The following SMYD5 variants were observed in gnomAD, a reference collection of about 807,000 sequenced individuals.
SMYD5 encodes the protein protein-lysine N-trimethyltransferase SMYD5.
In SMYD5, 35 loss-of-function variants were observed where a neutral mutation model predicts 57.4. That is an observed-to-expected ratio of 0.61 (90% CI 0.47 to 0.81). The LOEUF is 0.81. SMYD5 is among the 30% of genes least tolerant of loss of function. The pLI is 0.00. For synonymous variants in SMYD5, 198 were observed against 189.7 expected (o/e 1.04, Z -0.36); for missense variants, 471 against 527.9 (o/e 0.89, Z 1.06).
chr2:73,215,812 C>T (rs554296741), intron 1 of SMYD5, among the ~76,000 whole-genome samples: 2 of 152,284 alleles, frequency 1.3e-5, no homozygotes, highest in African/African-American at 4.8e-5. Flanking sequence ...CCTGCCTGGA[C>T]TTGGTAACAG....
chr2:73,222,293 G>C (rs544116017), intron 6 of SMYD5, among the ~76,000 whole-genome samples: 97 of 152,342 alleles, frequency 6.4e-4, no homozygotes, highest in African/African-American at 2.2e-3. Flanking sequence ...CTGAGAACCC[G>C]TTCCCAATCA....
Position 73,225,644 on chromosome 2 carries a change from GC to G in SMYD5, c.1050del (p.Tyr351ThrfsTer40). On this transcript the variant is annotated frameshift_variant, in exon 12 of 13. Coordinates refer to ENST00000389501, the MANE Select transcript of SMYD5 (RefSeq NM_006062.3). LOFTEE classifies it high-confidence loss of function. ...DIKPGEEICISYLDCCQRERS... is the reference protein window; with the variant it reads ...DIKPGEEICIXYLDCCQRERS... ...TCTGCCCTACAGGAAATTTGTATCA[GC>G]TACTTGGACTGCTGTCAGCGGGAGC... 2 of 1,614,166 alleles carry G rather than the reference GC, an allele frequency of 1.2e-6. No individual in the cohort carries two copies. The highest frequency in any genetic ancestry group is 1.7e-6 in the Non-Finnish European group (2 of 1,180,008).
At position 73,220,752 on chromosome 2, in the gene SMYD5, A is replaced by G. The variant is rs768138578; in HGVS notation, c.437A>G (p.His146Arg). The G allele has an allele frequency of 1.9e-6, 3 of 1,613,936 alleles. No homozygotes were observed. Residue 146 changes from histidine to arginine, a missense_variant, in exon 4 of 13, where the codon CAT (histidine) becomes CGT (arginine). Transcript: ENST00000389501. ...GGCCCCTCCCAGGATGACCCCTTGCATCCTCTCAATAAGCTTCAGGAGGCA... is the reference window on the plus strand; with the variant it reads ...GGCCCCTCCCAGGATGACCCCTTGCGTCCTCTCAATAAGCTTCAGGAGGCA... ...CPGPSQDDPL[H>R]PLNKLQEAWR...
intron 5 of SMYD5, among the ~76,000 whole-genome samples, chr2:73,221,481 T>C (rs891379111): frequency 2.0e-5 from 3 of 150,398 alleles, no homozygotes; most frequent in African/African-American, 7.4e-5. Flanking sequence ...ATAGTATGCC[T>C]GTAGTTTCTG....
chr2:73,222,646 C>A, intron 6 of SMYD5, 109 bp from the exon 7 acceptor site: 1 of 842,568 alleles, frequency 1.2e-6, no homozygotes, highest in Non-Finnish European at 1.9e-6. Flanking sequence ...AAAGCTCAGT[C>A]TACAGAGCTG....
intron 1 of SMYD5, 91 bp from the exon 2 acceptor site, chr2:73,218,770 T>G: frequency 5.9e-6 from 5 of 854,248 alleles, no homozygotes; most frequent in East Asian, 2.5e-5. Context: ...GAGTGAGGCA[T>G]GTGGGAGTGA....
Position 73,225,412 on chromosome 2 carries a change from G to A in SMYD5, c.1036-219G>A, listed in dbSNP as rs565257650. 18 of 626,194 alleles carry A rather than the reference G, an allele frequency of 2.9e-5. No homozygotes were observed. The Admixed American group carries it at 5.1e-4, about 18-fold the overall frequency. The allele number at this position is 626,194 out of a possible 1,614,324, so 38.8% of individuals were successfully genotyped here. A position where few individuals can be genotyped will look rare whatever the true frequency, so the allele number is the denominator to read the frequency against. On this transcript the variant is annotated intron_variant, in intron 11 of 12. Coordinates refer to ENST00000389501, the MANE Select transcript of SMYD5 (RefSeq NM_006062.3). ...TTTCACCACGGCCTGAGGCCAACCA[G>A]TCTCCTCTGTCTCAGGCACAGGCTG...
chr2:73,221,787 T>TTA (rs745470033), intron 5 of SMYD5, 39 bp from the exon 6 acceptor site: 23 of 1,404,562 alleles, frequency 1.6e-5, no homozygotes, highest in Admixed American at 1.3e-4. Flanking sequence ...AGTGAGAAGG[T>TTA]GGGTATCTGT....
intron 1 of SMYD5, among the ~76,000 whole-genome samples, chr2:73,215,138 C>G (rs566746114): frequency 2.6e-5 from 4 of 152,056 alleles, no homozygotes; most frequent in African/African-American, 4.8e-5. Context: ...ATTAATGGAC[C>G]CTTTATTGTT....
At chr2:73,214,646 G>A (rs1686258559) in intron 1 of SMYD5, 2 of 1,491,698 alleles carry the variant, frequency 1.3e-6, no homozygotes, top group South Asian at 1.2e-5. Context: ...GGGGCTAGGG[G>A]GCTTTGCTGC....
intron 2 of SMYD5, among the ~76,000 whole-genome samples, chr2:73,219,434 T>A (rs528809704): frequency 6.6e-6 from 1 of 152,324 alleles, no homozygotes; most frequent in African/African-American, 2.4e-5. Context: ...CAGGCTAAAG[T>A]GCAGTGGTGC....
intron 1 of SMYD5, 31 bp from the exon 2 acceptor site, chr2:73,218,830 T>A: frequency 6.5e-7 from 1 of 1,538,156 alleles, no homozygotes. Flanking sequence ...CTGTTCCTTT[T>A]TATGGCCATC....
rs181846460 is a variant in SMYD5, at chr2:73,222,205, C to T, written c.642+275C>T. Among the ~76,000 whole-genome samples the T allele has an allele frequency of 3.3e-5, 5 of 152,328 alleles. No homozygotes were observed. The East Asian group carries it at 9.6e-4, about 29-fold the overall frequency. On this transcript the variant is annotated intron_variant, in intron 6 of 12. Transcript: ENST00000389501. ...CCCTAACTGGTGTTAGAAGGCAGGACTCGTCATAGGATAGCAGTGGGCAAA... is the reference window on the plus strand; with the variant it reads ...CCCTAACTGGTGTTAGAAGGCAGGATTCGTCATAGGATAGCAGTGGGCAAA...
At position 73,219,011 on chromosome 2, in the gene SMYD5, G is replaced by T. The variant is rs771885704; in HGVS notation, c.205+42G>T. The T allele has an allele frequency of 5.0e-6, 7 of 1,399,434 alleles. No homozygotes were observed. The South Asian group carries it at 8.1e-5, about 16-fold the overall frequency. The allele number at this position is 1,399,434 out of a possible 1,614,324, so 86.7% of individuals were successfully genotyped here. A position where few individuals can be genotyped will look rare whatever the true frequency, so the allele number is the denominator to read the frequency against. ...TACTCCTCATGGCCCAGTCGTCTTT[G>T]TGCATGGAAGTGAGCTGCATACATC... is the stretch of plus-strand genomic sequence containing the variant. On this transcript the variant is annotated intron_variant, in intron 2 of 12. Transcript: ENST00000389501.
chr2:73,214,252 G>A lies in SMYD5; in HGVS notation c.-15G>A. 1.2e-6 allele frequency: 2 copies of A among 1,613,428 alleles called. No individual in the cohort carries two copies. The highest frequency in any genetic ancestry group is 1.3e-5 in the African/African-American group (1 of 75,020). On this transcript the variant is annotated 5_prime_UTR_variant, in exon 1 of 13. Coordinates refer to ENST00000389501, the MANE Select transcript of SMYD5 (RefSeq NM_006062.3). The stretch of plus-strand genomic sequence containing the variant: ...GAGGCGGGGTTAAGGGTCATAAGGC[G>A]GAGGCGCGCCCAAGATGGCGGCCTC...
In SMYD5 at chr2:73,225,633, A is replaced by C; in HGVS notation, c.1038A>C (p.Glu346Asp). Residue 346 changes from glutamate (E) to aspartate (D), a missense_variant and splice_region_variant, in exon 12 of 13, where the codon GAA becomes GAC. Coordinates refer to ENST00000389501, the MANE Select transcript of SMYD5 (RefSeq NM_006062.3). The stretch of plus-strand genomic sequence containing the variant: ...GACTGCACTTCTCTGCCCTACAGGA[A>C]ATTTGTATCAGCTACTTGGACTGCT... Reference protein sequence around the residue: ...TALEDIKPGEEICISYLDCCQ... With the variant: ...TALEDIKPGEDICISYLDCCQ... 1 of 1,614,166 alleles carries C rather than the reference A, an allele frequency of 6.2e-7. No individual in the cohort carries two copies. The highest frequency in any genetic ancestry group is 8.5e-7 in the Non-Finnish European group (1 of 1,180,010).
chr2:73,222,288 A>G (rs147189286), intron 6 of SMYD5, among the ~76,000 whole-genome samples: 54 of 152,320 alleles, frequency 3.5e-4, no homozygotes, highest in African/African-American at 1.2e-3. Flanking sequence ...ATGTCCTGAG[A>G]ACCCGTTCCC....
Position 73,214,802 on chromosome 2 carries a change from T to C in SMYD5, c.96+440T>C. ...TCCTTCACGAGGGTCCTTGGAGTGC[T>C]GAGGAATTTGGACCAGAGTCCAAAG... On this transcript the variant is annotated intron_variant, in intron 1 of 12. Transcript: ENST00000389501. 5.3e-6 allele frequency: 7 copies of C among 1,308,842 alleles called. No homozygotes were observed. In the South Asian group the frequency reaches 8.6e-5, roughly 16 times the overall value. 81.1% of individuals were successfully genotyped at this position (1,308,842 alleles called of 1,614,324 possible). A position where few individuals can be genotyped will look rare whatever the true frequency, so the allele number is the denominator to read the frequency against.
At chr2:73,219,003 T>C (rs769889558) in intron 2 of SMYD5, 34 bp downstream of exon 2, 2 of 1,496,054 alleles carry the variant, frequency 1.3e-6, no homozygotes, top group Admixed American at 1.7e-5. Context: ...CATGGCCCAG[T>C]CGTCTTTGTG....
Sources: allele counts gnomAD v4.1 joint callset (sites outside exome capture counted in the v4.1 genomes callset), GRCh38; gene constraint gnomAD v4.1.1; transcripts MANE v1.5; gene names NCBI Gene and HGNC (gene_info 2026-07-23, HGNC 2026-07-21).